The following USP33 variants were observed in gnomAD, a reference collection of about 807,000 sequenced individuals.
USP33 encodes ubiquitin carboxyl-terminal hydrolase 33.
Under a neutral mutation model 124.2 loss-of-function variants are expected in USP33, and 46 were observed. That is an observed-to-expected ratio of 0.37 (90% CI 0.29 to 0.47). The LOEUF (loss-of-function observed/expected upper bound fraction) is 0.47, where lower values mean the gene tolerates loss of function less well. Ranked by LOEUF, USP33 falls within the 20% of genes least tolerant of loss-of-function variation. The pLI is 0.99. For synonymous variants in USP33, 350 were observed against 352.3 expected (o/e 0.99, Z 0.07); for missense variants, 851 against 1,070.6 (o/e 0.79, Z 2.86).
At chr1:77,759,472 G>A (rs1681121402) in intron 1 of USP33, 171 bp downstream of exon 1, 1 of 396,498 alleles carries the variant, frequency 2.5e-6, no homozygotes, top group Non-Finnish European at 4.4e-6. Flanking sequence ...AGAGCACCGA[G>A]GGGCCAAGGC....
chr1:77,702,610 C>A (rs1471327579), intron 21 of USP33, among the ~76,000 whole-genome samples: 2 of 152,100 alleles, frequency 1.3e-5, no homozygotes, highest in Non-Finnish European at 2.9e-5. Flanking sequence ...AAACTATACA[C>A]AACTCTGTCA....
Position 77,711,765 on chromosome 1 carries a change from T to G in USP33, c.2388A>C (p.Glu796Asp). 6.2e-7 allele frequency: 1 copy of G among 1,609,166 alleles called. No individual in the cohort carries two copies. The highest frequency in any genetic ancestry group is 1.1e-5 in the South Asian group (1 of 89,942). ...AEKIEKRRKT[E>D]LEIFIRLNRA... The stretch of plus-strand genomic sequence containing the variant: ...TTTTTACCCGAATAAAAATTTCCAA[T>G]TCAGTTTTTCTTCTTTTTTCAATTT... The change falls in exon 21 of 24, where the codon GAA becomes GAC. Residue 796 changes from glutamate to aspartate, a missense_variant. By Grantham distance (45) the Glu-to-Asp change is conservative (BLOSUM62 2). Around this residue, in one of 4 missense-constraint regions of USP33, gnomAD observed 142 missense variants for 141.8 expected, o/e 1.00. Coordinates refer to ENST00000370794, the MANE Select transcript of USP33 (RefSeq NM_201624.3).
At chr1:77,758,175 CT>C (rs1185358841) in intron 1 of USP33, among the ~76,000 whole-genome samples, 2,552 of 94,254 alleles carry the variant, frequency 0.027, 6 homozygotes, top group Middle Eastern at 0.1. Flanking sequence ...TTGTACTGTC[CT>C]TTTTTTTTTT....
At chr1:77,752,804 G>T (rs947626286) in intron 1 of USP33, among the ~76,000 whole-genome samples, 1 of 152,126 alleles carries the variant, frequency 6.6e-6, no homozygotes, top group African/African-American at 2.4e-5. Flanking sequence ...TTGGCTGGGC[G>T]TGGTGGCTCA....
At chr1:77,724,766 T>C (rs1676970595) in intron 11 of USP33, among the ~76,000 whole-genome samples, 1 of 152,118 alleles carries the variant, frequency 6.6e-6, no homozygotes, top group Admixed American at 6.6e-5. Flanking sequence ...CCATAAAAAA[T>C]GAGATATTAG....
intron 1 of USP33, among the ~76,000 whole-genome samples, chr1:77,748,406 C>G (rs537968413): frequency 1.3e-5 from 2 of 152,124 alleles, no homozygotes; most frequent in South Asian, 4.2e-4. Flanking sequence ...CATGGTAGCT[C>G]ACATCTGTAA....
At chr1:77,716,182 CTGAG>C (rs1215825746) in intron 17 of USP33, among the ~76,000 whole-genome samples, 1 of 152,182 alleles carries the variant, frequency 6.6e-6, no homozygotes, top group African/African-American at 2.4e-5. Context: ...CCTCAGCCTC[CTGAG>C]TAATTGGAAC....
intron 1 of USP33, among the ~76,000 whole-genome samples, chr1:77,747,586 T>C (rs930235896): frequency 2.0e-5 from 3 of 152,216 alleles, no homozygotes; most frequent in Admixed American, 2.0e-4. Flanking sequence ...TTGGTCAATA[T>C]GTCTGTCTTA....
intron 11 of USP33, among the ~76,000 whole-genome samples, chr1:77,725,021 G>A (rs1003469807): frequency 3.3e-5 from 5 of 151,936 alleles, no homozygotes; most frequent in Non-Finnish European, 7.4e-5. Flanking sequence ...CAGCCTGGGC[G>A]ACAGTGAGAC....
intron 22 of USP33, 88 bp from the exon 23 acceptor site, chr1:77,698,019 A>G: frequency 2.0e-6 from 2 of 1,004,568 alleles, no homozygotes; most frequent in South Asian, 1.5e-5. Context: ...GTGACCTATA[A>G]CTACATTATC....
At chr1:77,749,041 T>C (rs1450118876) in intron 1 of USP33, among the ~76,000 whole-genome samples, 1 of 152,136 alleles carries the variant, frequency 6.6e-6, no homozygotes, top group Non-Finnish European at 1.5e-5. Context: ...ACTTCTTGGG[T>C]CAATTTTACT....
chr1:77,750,454 G>T (rs1164612395), intron 1 of USP33, among the ~76,000 whole-genome samples: 2 of 151,990 alleles, frequency 1.3e-5, no homozygotes, highest in Non-Finnish European at 2.9e-5. Context: ...GCAACATGGT[G>T]AAACCCCATC....
chr1:77,722,394 T>C (rs533741130), intron 12 of USP33, 198 bp from the exon 13 acceptor site: 257 of 528,498 alleles, frequency 4.9e-4, no homozygotes, highest in African/African-American at 4.6e-3. Flanking sequence ...AAAACACACT[T>C]GCTCTGTACC....
chr1:77,701,678 T>C, intron 21 of USP33: 1 of 426,550 alleles, frequency 2.3e-6, no homozygotes, highest in Non-Finnish European at 4.1e-6. Flanking sequence ...TTTTTATTTA[T>C]TTATTTTTGA....
intron 21 of USP33, among the ~76,000 whole-genome samples, chr1:77,709,002 A>C (rs929263083): frequency 6.6e-6 from 1 of 152,078 alleles, no homozygotes; most frequent in African/African-American, 2.4e-5. Context: ...TTCATTTCTA[A>C]TGATGCTCAT....
chr1:77,713,329 C>A, intron 19 of USP33, 48 bp from the exon 20 acceptor site: 1 of 1,476,860 alleles, frequency 6.8e-7, no homozygotes. Flanking sequence ...AATTATATTC[C>A]TTTCAAACAT....
chr1:77,719,132 G>A (rs184997858), intron 15 of USP33, among the ~76,000 whole-genome samples: 47 of 151,926 alleles, frequency 3.1e-4, no homozygotes, highest in African/African-American at 1.1e-3. Context: ...AGGCCAAGGC[G>A]GGCCGATCAT....
intron 21 of USP33, among the ~76,000 whole-genome samples, chr1:77,702,173 AAAAAC>A (rs1674116629): frequency 1.6e-5 from 2 of 126,320 alleles, no homozygotes; most frequent in African/African-American, 5.2e-5. Context: ...AAAAAAAAAA[AAAAAC>A]CAGTGGTACA....
At chr1:77,718,515 G>A (rs1261183010) in intron 16 of USP33, 81 bp downstream of exon 16, 2 of 1,126,072 alleles carry the variant, frequency 1.8e-6, no homozygotes, top group South Asian at 2.7e-5. Context: ...CAAGCAAAGA[G>A]AATTTATTAC....
Sources: allele counts gnomAD v4.1 joint callset (sites outside exome capture counted in the v4.1 genomes callset), GRCh38; gene constraint gnomAD v4.1.1; regional missense constraint gnomAD v4.1.1; transcripts MANE v1.5; gene names NCBI Gene and HGNC (gene_info 2026-07-23, HGNC 2026-07-21).